ALDH16A1: variants seen among roughly 807,000 people sequenced by gnomAD.
The protein encoded by ALDH16A1 is aldehyde dehydrogenase family 16 member A1.
In ALDH16A1, 88 loss-of-function variants were observed where a neutral mutation model predicts 96.1. The ratio of observed to expected loss-of-function variants is 0.92; its 90% CI spans 0.77 to 1.09. ALDH16A1 has a LOEUF of 1.09. Among genes scored for constraint, ALDH16A1 ranks in the 50% least tolerant of loss-of-function variants. ALDH16A1 has a pLI of 0.00. For synonymous variants in ALDH16A1, 522 were observed against 496.4 expected (o/e 1.05, Z -0.69); for missense variants, 1,250 against 1,112.6 (o/e 1.12, Z -1.76).
chr19:49,462,431 G>C (rs117605916), intron 7 of ALDH16A1, 139 bp from the exon 8 acceptor site: 1 of 1,125,254 alleles, frequency 8.9e-7, no homozygotes. Context: ...CACCGCATCC[G>C]GCCTCTCTGT....
chr19:49,459,611 C>T lies in ALDH16A1; in HGVS notation c.321-59C>T. 2 of 1,544,152 alleles carry T rather than the reference C, an allele frequency of 1.3e-6. No individual in the cohort carries two copies. The highest frequency in any genetic ancestry group is 8.7e-7 in the Non-Finnish European group (1 of 1,146,718). On this transcript the variant is annotated intron_variant, in intron 3 of 16. Coordinates refer to ENST00000293350, the MANE Select transcript of ALDH16A1 (RefSeq NM_153329.4). This position sits in a 1 kb window ranked among gnomAD's most constrained non-coding sequence, Gnocchi z 4.1. Reference sequence around the variant, plus strand: ...GTAGTCCAGGTATATAGGAGCAGCCCAGGACTCTGCAAGGCTGAGGGCCGT... The same window carrying T: ...GTAGTCCAGGTATATAGGAGCAGCCTAGGACTCTGCAAGGCTGAGGGCCGT...
intron 1 of ALDH16A1, among the ~76,000 whole-genome samples, chr19:49,457,278 T>G (rs2079110087): frequency 6.6e-6 from 1 of 151,842 alleles, no homozygotes; most frequent in Admixed American, 6.6e-5. Flanking sequence ...CCGGGCGCAG[T>G]GGCTCACGCC....
rs1195934193 is a variant in ALDH16A1, at chr19:49,470,371, C to T, written c.2313C>T (p.Cys771=). ...NLKPVWASRG[C]PRAWDQEAEG... is the part of the protein sequence containing the mutation. ...AACCGGTGTGGGCGAGCAGGGGCTG[C>T]CCGCGGGCCTGGGACCAGGAGGCCG... Residue 771 remains cysteine, a synonymous_variant, in exon 17 of 17, where the codon TGC becomes TGT. Coordinates refer to ENST00000293350, the MANE Select transcript of ALDH16A1 (RefSeq NM_153329.4). 1 of 1,613,148 alleles carries T rather than the reference C, an allele frequency of 6.2e-7. No individual in the cohort carries two copies.
intron 12 of ALDH16A1, 49 bp from the exon 13 acceptor site, chr19:49,465,689 G>T (rs765170584): frequency 6.4e-7 from 1 of 1,571,586 alleles, no homozygotes; most frequent in South Asian, 1.2e-5. Flanking sequence ...CATAGGGTCT[G>T]AGCAGATTGA....
In ALDH16A1 at chr19:49,463,962, A is replaced by G; in HGVS notation, c.1194+13A>G. 6.2e-7 allele frequency: 1 copy of G among 1,603,190 alleles called. No individual in the cohort carries two copies. The highest frequency in any genetic ancestry group is 8.5e-7 in the Non-Finnish European group (1 of 1,174,214). ...TGCCCAGGTGGAGGTGAGACCCTTA[A>G]GGCTGCAGAGCTCCTACCCACCGCC... On this transcript the variant is annotated intron_variant, in intron 9 of 16. Coordinates refer to ENST00000293350, the MANE Select transcript of ALDH16A1 (RefSeq NM_153329.4).
chr19:49,458,336 C>A lies in ALDH16A1; in HGVS notation c.91-150C>A. On this transcript the variant is annotated intron_variant, in intron 1 of 16. Transcript: ENST00000293350. The stretch of plus-strand genomic sequence containing the variant: ...TACACTTTGAAATGCTCTATTTTAC[C>A]ACAAACTTTTTTTTTAAAGCAATAG... The A allele has an allele frequency of 4.7e-6, 3 of 634,812 alleles. No homozygotes were observed. The South Asian group carries it at 5.9e-5, about 12-fold the overall frequency. The allele number at this position is 634,812 out of a possible 1,614,324, so 39.3% of individuals were successfully genotyped here. A position where few individuals can be genotyped will look rare whatever the true frequency, so the allele number is the denominator to read the frequency against.
At chr19:49,453,510 T>A in intron 1 of ALDH16A1, 89 bp downstream of exon 1, 1 of 1,222,924 alleles carries the variant, frequency 8.2e-7, no homozygotes, top group Non-Finnish European at 1.1e-6. Context: ...TCCACTGCGG[T>A]AGCTCAGCCG....
intron 7 of ALDH16A1, 35 bp downstream of exon 7, chr19:49,462,071 G>A (rs2079154682): frequency 6.6e-7 from 1 of 1,506,840 alleles, no homozygotes. Flanking sequence ...CTCATACCCT[G>A]GAGGCCGTTG....
intron 1 of ALDH16A1, among the ~76,000 whole-genome samples, chr19:49,454,602 G>A (rs780371441): frequency 4.6e-5 from 7 of 152,110 alleles, no homozygotes; most frequent in African/African-American, 7.2e-5. Flanking sequence ...ATTCCTTCAC[G>A]GGGCTCTCAT....
intron 1 of ALDH16A1, 63 bp from the exon 2 acceptor site, chr19:49,458,423 G>A: frequency 7.7e-7 from 1 of 1,300,428 alleles, no homozygotes; most frequent in Non-Finnish European, 1.1e-6. Context: ...AGGATTCTGG[G>A]TAGGGGTTGA....
intron 9 of ALDH16A1, 83 bp downstream of exon 9, chr19:49,464,032 C>T: frequency 5.7e-6 from 9 of 1,575,842 alleles, no homozygotes; most frequent in South Asian, 3.5e-5. Context: ...CTTGGGGTAA[C>T]CATGTGACCT....
At chr19:49,462,140 T>A (rs769054206) in intron 7 of ALDH16A1, 104 bp downstream of exon 7, 16 of 1,390,514 alleles carry the variant, frequency 1.2e-5, no homozygotes, top group Non-Finnish European at 1.5e-5. Context: ...TATTTTATTT[T>A]ATTTATTTTG....
rs2079160381 is a variant in ALDH16A1, at chr19:49,462,650, G to A, written c.993G>A (p.Arg331=). The A allele has an allele frequency of 6.2e-6, 10 of 1,612,506 alleles. No homozygotes were observed. Among genetic ancestry groups the A allele is most frequent in the Non-Finnish European group, 7.6e-6 (9 of 1,179,890 alleles). Residue 331 remains arginine, a synonymous_variant, in exon 8 of 17, where the codon CGG becomes CGA. Transcript: ENST00000293350. ...TGCAGGAGCGGATGGGGCGGCTTCG[G>A]AGTGGCCGAGGGCTGGATGGGGCCG... The part of the protein sequence containing the change: ...RRLQERMGRL[R]SGRGLDGAVD...
chr19:49,468,951 G>T lies in ALDH16A1; in HGVS notation c.2212G>T (p.Asp738Tyr). ...HLTRCLALHQDVQAMWYFGSA... is the reference protein window; with the variant it reads ...HLTRCLALHQYVQAMWYFGSA... ...GACCCGCTGCCTGGCCTTGCACCAA[G>T]ACGTCCAGGCCATGTGGTATTTCGG... The change falls in exon 16 of 17, where the codon GAC becomes TAC. Residue 738 changes from aspartate (D) to tyrosine (Y), a missense_variant. Physicochemically the swap from Asp to Tyr is radical, Grantham distance 160. Coordinates refer to ENST00000293350, the MANE Select transcript of ALDH16A1 (RefSeq NM_153329.4). This position sits in a 1 kb window ranked among gnomAD's most constrained non-coding sequence, Gnocchi z 4.4. 1 of 1,613,962 alleles carries T rather than the reference G, an allele frequency of 6.2e-7. No homozygotes were observed.
At chr19:49,454,310 A>G (rs1407388428) in intron 1 of ALDH16A1, among the ~76,000 whole-genome samples, 4 of 152,126 alleles carry the variant, frequency 2.6e-5, no homozygotes, top group African/African-American at 7.2e-5. Flanking sequence ...GGCGTGAGCT[A>G]CTGCACCCAG....
chr19:49,460,842 C>A lies in ALDH16A1; in HGVS notation c.520C>A (p.Pro174Thr). 6.2e-7 allele frequency: 1 copy of A among 1,613,480 alleles called. No homozygotes were observed. Among genetic ancestry groups the A allele is most frequent in the Non-Finnish European group, 8.5e-7 (1 of 1,179,922 alleles). ...EPMGVIGLIL[P>T]PTFSFLEMMW... ...TGCAGGAGTAATTGGCCTCATCCTGCCACCCACATTCTCCTTCCTTGAGAT... is the reference window on the plus strand; with the variant it reads ...TGCAGGAGTAATTGGCCTCATCCTGACACCCACATTCTCCTTCCTTGAGAT... The change falls in exon 5 of 17, where the codon CCA becomes ACA. Residue 174 changes from proline (P) to threonine (T), a missense_variant. Physicochemically the swap from Pro to Thr is conservative, Grantham distance 38. Transcript: ENST00000293350.
chr19:49,462,056 G>A lies in ALDH16A1; in HGVS notation c.912+20G>A, dbSNP rs1261727403. 81 of 1,533,922 alleles carry A rather than the reference G, an allele frequency of 5.3e-5. No homozygotes were observed. The highest frequency in any genetic ancestry group is 6.7e-5 in the Non-Finnish European group (77 of 1,145,664). ...GGCCCGGTGAGACCCGTGCGCTCCC[G>A]TCTCCTCATACCCTGGAGGCCGTTG... is the stretch of plus-strand genomic sequence containing the variant. On this transcript the variant is annotated intron_variant, in intron 7 of 16. Coordinates refer to ENST00000293350, the MANE Select transcript of ALDH16A1 (RefSeq NM_153329.4).
At chr19:49,454,927 T>C (rs1406323289) in intron 1 of ALDH16A1, among the ~76,000 whole-genome samples, 1 of 152,134 alleles carries the variant, frequency 6.6e-6, no homozygotes, top group Non-Finnish European at 1.5e-5. Flanking sequence ...GAGACCAGCC[T>C]GGCCAACATG....
intron 1 of ALDH16A1, among the ~76,000 whole-genome samples, chr19:49,454,353 C>A (rs1052665588): frequency 6.6e-6 from 1 of 152,076 alleles, no homozygotes; most frequent in Non-Finnish European, 1.5e-5. Context: ...TACTTATGGC[C>A]CCTCACAATA....
Sources: allele counts gnomAD v4.1 joint callset (sites outside exome capture counted in the v4.1 genomes callset), GRCh38; gene constraint gnomAD v4.1.1; non-coding constraint Gnocchi (gnomAD v3.1); transcripts MANE v1.5; gene names NCBI Gene and HGNC (gene_info 2026-07-23, HGNC 2026-07-21).